Variants in JAZF1 observed in about 807,000 individuals in gnomAD.
JAZF1 encodes the protein juxtaposed with another zinc finger protein 1.
Under a neutral mutation model 26.4 loss-of-function variants are expected in JAZF1, and 8 were observed. The observed-to-expected ratio is 0.30, with a 90% confidence interval of 0.18 to 0.55. JAZF1 has a LOEUF of 0.55. Ranked by LOEUF, JAZF1 falls within the 20% of genes least tolerant of loss-of-function variation. The probability of loss-of-function intolerance (pLI) is 0.94; values close to 1 mark genes in which losing one functional copy is unlikely to be tolerated. For synonymous variants in JAZF1, 126 were observed against 122.3 expected (o/e 1.03, Z -0.20); for missense variants, 199 against 322.0 (o/e 0.62, Z 2.92).
intron 1 of JAZF1, among the ~76,000 whole-genome samples, chr7:27,995,870 A>C (rs1380778403): frequency 6.6e-6 from 1 of 152,180 alleles, no homozygotes; most frequent in Non-Finnish European, 1.5e-5. Context: ...ATTGCTTCTC[A>C]AGTGGCAAGG....
intron 2 of JAZF1, among the ~76,000 whole-genome samples, chr7:27,934,657 T>G (rs980125933): frequency 7.2e-5 from 11 of 152,218 alleles, no homozygotes; most frequent in African/African-American, 2.7e-4. Context: ...AAGGATCATT[T>G]TGCAAGGTTC....
chr7:28,175,746 C>T (rs1783540921), intron 1 of JAZF1, among the ~76,000 whole-genome samples: 1 of 152,214 alleles, frequency 6.6e-6, no homozygotes, highest in Admixed American at 6.5e-5. Flanking sequence ...TAATTGGCAA[C>T]TGGCATAGGC....
At chr7:28,103,620 G>GT (rs1171942352) in intron 1 of JAZF1, among the ~76,000 whole-genome samples, 1 of 152,088 alleles carries the variant, frequency 6.6e-6, no homozygotes, top group Non-Finnish European at 1.5e-5. Context: ...CCTTCCAGTT[G>GT]TTCAGGTCAA....
chr7:27,968,265 A>T (rs528699391), intron 2 of JAZF1, among the ~76,000 whole-genome samples: 8 of 152,334 alleles, frequency 5.3e-5, no homozygotes, highest in African/African-American at 1.4e-4. Context: ...TATTCTATAC[A>T]TAATATAATT....
intron 1 of JAZF1, among the ~76,000 whole-genome samples, chr7:28,056,289 T>TCATACCA (rs1783706615): frequency 6.6e-6 from 1 of 151,998 alleles, no homozygotes; most frequent in Non-Finnish European, 1.5e-5. Flanking sequence ...AGGAGGCAGT[T>TCATACCA]CATACCACAT....
intron 1 of JAZF1, among the ~76,000 whole-genome samples, chr7:28,170,494 C>A (rs955747769): frequency 2.0e-5 from 3 of 151,816 alleles, no homozygotes; most frequent in Non-Finnish European, 4.4e-5. Flanking sequence ...AACCAGTTAG[C>A]GTCTTTGGAC....
At chr7:28,164,595 T>C (rs905897003) in intron 1 of JAZF1, among the ~76,000 whole-genome samples, 2 of 152,252 alleles carry the variant, frequency 1.3e-5, no homozygotes, top group South Asian at 4.1e-4. Flanking sequence ...AAACTGTTCA[T>C]GGAATTCATA....
intron 1 of JAZF1, among the ~76,000 whole-genome samples, chr7:28,066,418 A>G (rs1405219685): frequency 6.6e-6 from 1 of 151,998 alleles, no homozygotes; most frequent in East Asian, 1.9e-4. Flanking sequence ...CCTGGCCAGC[A>G]TGGTAAAACC....
intron 2 of JAZF1, among the ~76,000 whole-genome samples, chr7:27,936,155 A>AT (rs1170345760): frequency 2.0e-5 from 3 of 152,206 alleles, no homozygotes; most frequent in African/African-American, 7.2e-5. Context: ...ACAAGAAAAG[A>AT]TTTTTTTCTT....
intron 4 of JAZF1, among the ~76,000 whole-genome samples, chr7:27,838,379 C>A (rs1330579552): frequency 6.6e-6 from 1 of 152,160 alleles, no homozygotes; most frequent in East Asian, 1.9e-4. Flanking sequence ...CTCCCATTCC[C>A]TGCTCTGCAT....
At chr7:28,113,661 C>A (rs1020181560) in intron 1 of JAZF1, among the ~76,000 whole-genome samples, 7 of 152,200 alleles carry the variant, frequency 4.6e-5, no homozygotes, top group Non-Finnish European at 8.8e-5. Context: ...CCTCATTTTA[C>A]TCAATAATGA....
Position 27,831,282 on chromosome 7 carries a change from A to C in JAZF1, c.*1518T>G. ...CTTTCAAAATGTCTGAAAATTGAGGAGGGACCCCTGCTTCCCAGTTATATG... is the reference window on the plus strand; with the variant it reads ...CTTTCAAAATGTCTGAAAATTGAGGCGGGACCCCTGCTTCCCAGTTATATG... On this transcript the variant is annotated 3_prime_UTR_variant, in exon 5 of 5. Transcript: ENST00000283928. 1 of 226,604 alleles carries C rather than the reference A, an allele frequency of 4.4e-6. No homozygotes were observed. Among genetic ancestry groups the C allele is most frequent in the Non-Finnish European group, 8.8e-6 (1 of 113,622 alleles). 14.0% of individuals were successfully genotyped at this position (226,604 alleles called of 1,614,324 possible).
At chr7:27,835,737 T>TGTA (rs1782794605) in intron 4 of JAZF1, among the ~76,000 whole-genome samples, 1 of 152,170 alleles carries the variant, frequency 6.6e-6, no homozygotes, top group Admixed American at 6.5e-5. Flanking sequence ...GAACGTCCTC[T>TGTA]TTACAAGACC....
chr7:27,837,126 T>C (rs1782829588), intron 4 of JAZF1, among the ~76,000 whole-genome samples: 1 of 152,116 alleles, frequency 6.6e-6, no homozygotes, highest in South Asian at 2.1e-4. Flanking sequence ...CAGAGGAACT[T>C]TGGGGGGCGG....
chr7:28,059,291 C>T (rs764624149), intron 1 of JAZF1, among the ~76,000 whole-genome samples: 43 of 152,152 alleles, frequency 2.8e-4, no homozygotes, highest in Non-Finnish European at 3.4e-4. Flanking sequence ...TTGGAAGCAG[C>T]ACACTGCCAA....
intron 1 of JAZF1, among the ~76,000 whole-genome samples, chr7:28,125,271 C>G (rs1467692032): frequency 2.6e-5 from 4 of 151,376 alleles, no homozygotes; most frequent in African/African-American, 4.9e-5. Context: ...CCCCCTAAAG[C>G]ATTTTTTAAA....
At chr7:28,123,988 G>T (rs1053539751) in intron 1 of JAZF1, among the ~76,000 whole-genome samples, 1 of 152,184 alleles carries the variant, frequency 6.6e-6, no homozygotes, top group African/African-American at 2.4e-5. Context: ...AACAGGAGAC[G>T]CAACGTGCCA....
At chr7:27,860,494 T>C (rs1453571513) in intron 3 of JAZF1, among the ~76,000 whole-genome samples, 2 of 152,160 alleles carry the variant, frequency 1.3e-5, no homozygotes, top group Admixed American at 1.3e-4. Context: ...ATCTTCATCC[T>C]CCTCCTCATC....
chr7:28,000,545 A>C (rs547519169), intron 1 of JAZF1, among the ~76,000 whole-genome samples: 1 of 152,260 alleles, frequency 6.6e-6, no homozygotes, highest in South Asian at 2.1e-4. Flanking sequence ...GGAGACAACA[A>C]GAGAAGAACA....
Sources: gnomAD v4.1 joint callset for allele counts (sites outside exome capture counted in the v4.1 genomes callset) on GRCh38, gnomAD v4.1.1 for gene constraint, MANE v1.5 for transcripts, NCBI Gene and HGNC (gene_info 2026-07-23, HGNC 2026-07-21) for gene names.